PPM1E: variants seen among roughly 807,000 people sequenced by gnomAD.
PPM1E encodes the protein protein phosphatase 1E.
PPM1E carries 20 observed loss-of-function variants against 65.9 expected under a neutral mutation model. That is an observed-to-expected ratio of 0.30 (90% CI 0.21 to 0.44). The LOEUF is 0.44. Among genes scored for constraint, PPM1E ranks in the 20% least tolerant of loss-of-function variants. The probability of loss-of-function intolerance (pLI) is 1.00; values close to 1 mark genes in which losing one functional copy is unlikely to be tolerated. For missense variants in PPM1E, 713 were observed against 953.1 expected, an observed-to-expected ratio of 0.75 and a Z score of 3.32; for synonymous variants, 352 against 374.9, an observed-to-expected ratio of 0.94 and a Z score of 0.70.
chr17:58,807,486 T>C (rs2050327018), intron 1 of PPM1E, among the ~76,000 whole-genome samples: 3 of 152,148 alleles, frequency 2.0e-5, no homozygotes, highest in Admixed American at 2.0e-4. Flanking sequence ...GGTGAGAAAA[T>C]GTTCTGGAAT....
intron 1 of PPM1E, among the ~76,000 whole-genome samples, chr17:58,817,901 G>A (rs139916122): frequency 3.1e-4 from 47 of 152,132 alleles, no homozygotes; most frequent in Middle Eastern, 3.4e-3. Flanking sequence ...ACAGGCGTCC[G>A]CCACCACGCC....
chr17:58,762,027 T>G (rs2049826164), intron 1 of PPM1E, among the ~76,000 whole-genome samples: 1 of 152,200 alleles, frequency 6.6e-6, no homozygotes, highest in Non-Finnish European at 1.5e-5. Context: ...AAGTGTGGTA[T>G]TCTGAGGGAG....
chr17:58,862,840 C>A (rs1018010815), intron 1 of PPM1E, among the ~76,000 whole-genome samples: 14 of 152,142 alleles, frequency 9.2e-5, no homozygotes, highest in Non-Finnish European at 2.1e-4. Context: ...ATCATTTGGT[C>A]CCTACCATAG....
At chr17:58,894,344 T>G (rs1240516029) in intron 1 of PPM1E, among the ~76,000 whole-genome samples, 2 of 152,132 alleles carry the variant, frequency 1.3e-5, no homozygotes, top group Non-Finnish European at 1.5e-5. Flanking sequence ...TTTAATAAAA[T>G]TAGTGATTAT....
At chr17:58,845,733 T>G (rs2050764503) in intron 1 of PPM1E, among the ~76,000 whole-genome samples, 1 of 152,152 alleles carries the variant, frequency 6.6e-6, no homozygotes, top group South Asian at 2.1e-4. Flanking sequence ...TAGGCTGGAG[T>G]GCAGTGGCGC....
At position 58,797,212 on chromosome 17, in the gene PPM1E, A is replaced by G. The variant is rs116180458; in HGVS notation, c.464+40751A>G. ...TTTTCAAGTTTCCAACAAGTCATTG[A>G]TTACTTTTTAAAAAGTAAAATTTAT... On this transcript the variant is annotated intron_variant, in intron 1 of 6. Transcript: ENST00000308249. Among the ~76,000 whole-genome samples the G allele has an allele frequency of 5.8e-3, 884 of 152,288 alleles. 13 individuals carry two copies. The highest frequency in any genetic ancestry group is 0.018 in the African/African-American group (758 of 41,560).
chr17:58,791,787 A>G (rs2050159898), intron 1 of PPM1E, among the ~76,000 whole-genome samples: 1 of 152,224 alleles, frequency 6.6e-6, no homozygotes, highest in African/African-American at 2.4e-5. Context: ...GACTGGGGCC[A>G]AGGAGCACAC....
chr17:58,959,207 G>A (rs1487099569), intron 2 of PPM1E, among the ~76,000 whole-genome samples: 4 of 151,628 alleles, frequency 2.6e-5, no homozygotes, highest in African/African-American at 9.7e-5. Flanking sequence ...TACTTGGGAG[G>A]CTGAGGCAGG....
At chr17:58,932,971 T>G (rs553954499) in intron 1 of PPM1E, among the ~76,000 whole-genome samples, 2 of 152,190 alleles carry the variant, frequency 1.3e-5, no homozygotes, top group Admixed American at 6.5e-5. Flanking sequence ...CTATGTTTAG[T>G]TACACAAATA....
At chr17:58,843,304 CG>C in intron 1 of PPM1E, among the ~76,000 whole-genome samples, 1 of 143,426 alleles carries the variant, frequency 7.0e-6, no homozygotes, top group Non-Finnish European at 1.5e-5. Context: ...CCAGCCTGGG[CG>C]ACAGAGTGAG....
chr17:58,756,598 G>A (rs568542238), intron 1 of PPM1E, 137 bp downstream of exon 1: 4 of 1,079,552 alleles, frequency 3.7e-6, no homozygotes, highest in African/African-American at 1.6e-5. Context: ...CGCTGAAAGC[G>A]CCCCCGCTGC....
At chr17:58,896,769 C>G (rs920573705) in intron 1 of PPM1E, among the ~76,000 whole-genome samples, 5 of 152,132 alleles carry the variant, frequency 3.3e-5, no homozygotes, top group African/African-American at 4.8e-5. Flanking sequence ...GGTGGCTACA[C>G]TAGACAACAG....
intron 1 of PPM1E, among the ~76,000 whole-genome samples, chr17:58,779,328 C>T (rs1272280714): frequency 7.9e-5 from 12 of 151,800 alleles, no homozygotes; most frequent in Non-Finnish European, 1.3e-4. Context: ...TGCACCACCA[C>T]ACCCAGCTAG....
chr17:58,828,085 G>A (rs990392418), intron 1 of PPM1E, among the ~76,000 whole-genome samples: 1 of 151,626 alleles, frequency 6.6e-6, no homozygotes, highest in Non-Finnish European at 1.5e-5. Flanking sequence ...CAGGCGTGAT[G>A]GCAGGTGCCT....
At position 58,790,972 on chromosome 17, in the gene PPM1E, C is replaced by T. The variant is rs556877517; in HGVS notation, c.464+34511C>T. 2.0e-5 allele frequency among the ~76,000 whole-genome samples: 3 copies of T among 152,136 alleles called. No individual in the cohort carries two copies. In the South Asian group the frequency reaches 6.2e-4, roughly 32 times the overall value. On this transcript the variant is annotated intron_variant, in intron 1 of 6. Coordinates refer to ENST00000308249, the MANE Select transcript of PPM1E (RefSeq NM_014906.5). ...TGGCACCACCACAGCTCACTGCAACCTCCACCTCCTGGGCTCAAGTGATTC... is the reference window on the plus strand; with the variant it reads ...TGGCACCACCACAGCTCACTGCAACTTCCACCTCCTGGGCTCAAGTGATTC...
intron 1 of PPM1E, among the ~76,000 whole-genome samples, chr17:58,949,920 T>A (rs1415627388): frequency 6.6e-6 from 1 of 152,256 alleles, no homozygotes; most frequent in Non-Finnish European, 1.5e-5. Flanking sequence ...TTCTGTACTT[T>A]GACTATATCA....
chr17:58,853,542 G>C (rs938467571), intron 1 of PPM1E, among the ~76,000 whole-genome samples: 10 of 152,158 alleles, frequency 6.6e-5, no homozygotes, highest in African/African-American at 2.4e-4. Context: ...AAATCAGAAA[G>C]TGTGGCTGGG....
At chr17:58,939,742 T>C (rs1054369877) in intron 1 of PPM1E, among the ~76,000 whole-genome samples, 1 of 152,172 alleles carries the variant, frequency 6.6e-6, no homozygotes, top group East Asian at 1.9e-4. Context: ...CGTCTATGAA[T>C]ATATAAAATT....
chr17:58,900,028 CAAA>C (rs796479802), intron 1 of PPM1E, among the ~76,000 whole-genome samples: 1 of 97,030 alleles, frequency 1.0e-5, no homozygotes, highest in African/African-American at 3.8e-5. Context: ...GATACAGTCT[CAAA>C]AAAAAAAAAA....
Sources: gnomAD v4.1 joint callset for allele counts (sites outside exome capture counted in the v4.1 genomes callset) on GRCh38, gnomAD v4.1.1 for gene constraint, MANE v1.5 for transcripts, NCBI Gene and HGNC (gene_info 2026-07-23, HGNC 2026-07-21) for gene names.